Variants in RGS3 observed in about 807,000 individuals in gnomAD.
RGS3 encodes regulator of G-protein signalling 3.
RGS3 carries 80 observed loss-of-function variants against 132.6 expected under a neutral mutation model. The ratio of observed to expected loss-of-function variants is 0.60; its 90% CI spans 0.50 to 0.73. The LOEUF (loss-of-function observed/expected upper bound fraction) is 0.73, where lower values mean the gene tolerates loss of function less well. RGS3 is among the 30% of genes least tolerant of loss of function. RGS3 has a pLI of 0.00. For synonymous variants in RGS3, 598 were observed against 620.6 expected (o/e 0.96, Z 0.54); for missense variants, 1,382 against 1,530.8 (o/e 0.90, Z 1.62).
chr9:113,516,693 A>G (rs111890925), intron 15 of RGS3, among the ~76,000 whole-genome samples: 2,063 of 152,116 alleles, frequency 0.014, 41 homozygotes, highest in African/African-American at 0.047. Context: ...TAATATTTGT[A>G]TAAGAAACTA....
At position 113,447,329 on chromosome 9, in the gene RGS3, GTATATATATATATA is replaced by G. The variant is rs60991619; in HGVS notation, c.-13+2421_-13+2434del. Among the ~76,000 whole-genome samples, 48 of 27,558 alleles carry G rather than the reference GTATATATATATATA, an allele frequency of 1.7e-3. 8 individuals carry two copies. The highest frequency in any genetic ancestry group is 0.022 in the Middle Eastern group (1 of 46). The allele number at this position is 27,558 out of a possible 152,430, so 18.1% of individuals were successfully genotyped here. The stretch of plus-strand genomic sequence containing the variant: ...CCAATAAATTCTGATGTATGTATAT[GTATATATATATATA>G]TATATATATATATATATAGGCAAGG... On this transcript the variant is annotated intron_variant, in intron 1 of 25. Transcript: ENST00000374140.
intron 19 of RGS3, among the ~76,000 whole-genome samples, chr9:113,560,703 C>G (rs895762585): frequency 6.6e-6 from 1 of 152,234 alleles, no homozygotes; most frequent in Non-Finnish European, 1.5e-5. Flanking sequence ...ACTCCCAAAC[C>G]AGGGCTGTGA....
intron 17 of RGS3, among the ~76,000 whole-genome samples, chr9:113,528,128 A>G (rs1185410832): frequency 6.6e-6 from 1 of 152,176 alleles, no homozygotes; most frequent in African/African-American, 2.4e-5. Flanking sequence ...AGCATAAGGA[A>G]CAGTGGTTGG....
chr9:113,562,294 G>A (rs559230209), intron 19 of RGS3, among the ~76,000 whole-genome samples: 22 of 152,202 alleles, frequency 1.4e-4, no homozygotes, highest in African/African-American at 5.1e-4. Context: ...TGGCCAACAT[G>A]GTGAAACCCC....
chr9:113,505,485 G>T lies in RGS3; in HGVS notation c.941G>T (p.Cys314Phe), dbSNP rs768365065. 2.5e-6 allele frequency: 4 copies of T among 1,614,180 alleles called. No homozygotes were observed. In the Admixed American group the frequency reaches 6.7e-5, roughly 27 times the overall value. ...AAGGACGGCTTTGGCTTCACCATCT[G>T]CTGCGACTCTCCAGTTCGAGTCCAG... The change falls in exon 11 of 25, where the codon TGC (cysteine) becomes TTC (phenylalanine). Residue 314 changes from cysteine (C) to phenylalanine (F), a missense_variant. Transcript: ENST00000350696.
chr9:113,555,900 C>T (rs1177129640), intron 19 of RGS3, among the ~76,000 whole-genome samples: 2 of 152,218 alleles, frequency 1.3e-5, no homozygotes, highest in Non-Finnish European at 2.9e-5. Flanking sequence ...TCACATACCA[C>T]GTCATCTCAT....
At chr9:113,523,909 C>T (rs959654123) in intron 17 of RGS3, among the ~76,000 whole-genome samples, 3 of 152,104 alleles carry the variant, frequency 2.0e-5, no homozygotes, top group Non-Finnish European at 4.4e-5. Context: ...TCCTCCTCCT[C>T]GGAAACCCAT....
chr9:113,464,116 G>T (rs1829552194), intron 3 of RGS3, among the ~76,000 whole-genome samples: 1 of 152,260 alleles, frequency 6.6e-6, no homozygotes, highest in Non-Finnish European at 1.5e-5. Flanking sequence ...ACTGCGGTTG[G>T]TTCTGCCTCA....
chr9:113,499,715 G>T (rs1830806878), intron 10 of RGS3, among the ~76,000 whole-genome samples: 1 of 152,204 alleles, frequency 6.6e-6, no homozygotes, highest in Non-Finnish European at 1.5e-5. Context: ...CTAGAGCTGT[G>T]CTGGCCAGTG....
chr9:113,568,129 T>TG (rs779496105), intron 19 of RGS3, among the ~76,000 whole-genome samples: 15 of 152,248 alleles, frequency 9.9e-5, no homozygotes, highest in Non-Finnish European at 2.1e-4. Flanking sequence ...GAAGGACACT[T>TG]GCCTGAGGTG....
intron 18 of RGS3, among the ~76,000 whole-genome samples, chr9:113,536,313 G>A (rs112357478): frequency 0.05 from 7,579 of 152,254 alleles, 278 homozygotes; most frequent in South Asian, 0.091. Flanking sequence ...TGGTATGCCC[G>A]TCCAACCACC....
intron 10 of RGS3, among the ~76,000 whole-genome samples, chr9:113,504,592 G>A (rs1205070533): frequency 3.3e-5 from 5 of 152,240 alleles, no homozygotes; most frequent in Non-Finnish European, 7.3e-5. Flanking sequence ...TCACTCTGGA[G>A]AGGTTTGTGT....
intron 19 of RGS3, among the ~76,000 whole-genome samples, chr9:113,542,755 G>T (rs1041476229): frequency 1.3e-5 from 2 of 152,238 alleles, no homozygotes; most frequent in Non-Finnish European, 2.9e-5. Flanking sequence ...GCCCAGGTGG[G>T]AGAGTTCACT....
At position 113,463,786 on chromosome 9, in the gene RGS3, G is replaced by T. The variant is rs776302293; in HGVS notation, c.415+1585G>T. ...CTCGGGTTGCAGACGCTCCTGTCCG[G>T]GTCGCAGTGGGACGCCATGGAGCGC... On this transcript the variant is annotated intron_variant, in intron 3 of 24. Transcript: ENST00000350696. This position sits in a 1 kb window ranked among gnomAD's most constrained non-coding sequence, Gnocchi z 4.6. 1.2e-6 allele frequency: 2 copies of T among 1,603,380 alleles called. No homozygotes were observed. Among genetic ancestry groups the T allele is most frequent in the African/African-American group, 2.7e-5 (2 of 74,442 alleles).
upstream of RGS3, among the ~76,000 whole-genome samples, chr9:113,459,052 C>T (rs982235529): frequency 6.6e-6 from 1 of 152,174 alleles, no homozygotes; most frequent in Non-Finnish European, 1.5e-5. Flanking sequence ...CATCCAGCCT[C>T]TATTGTATAT....
chr9:113,589,355 T>C (rs768584531), intron 20 of RGS3: 12 of 152,354 alleles, frequency 7.9e-5, no homozygotes, highest in African/African-American at 2.9e-4. Context: ...TCTCCTTGGC[T>C]CACAGGCTCT....
At chr9:113,455,521 A>G (rs949251892), upstream of RGS3, among the ~76,000 whole-genome samples, 8 of 152,092 alleles carry the variant, frequency 5.3e-5, no homozygotes, top group Non-Finnish European at 1.0e-4. Flanking sequence ...TTTGGACTCA[A>G]CTTACTAGTT....
At chr9:113,518,718 C>A (rs1403161659) in intron 16 of RGS3, among the ~76,000 whole-genome samples, 1 of 152,156 alleles carries the variant, frequency 6.6e-6, no homozygotes, top group East Asian at 1.9e-4. Context: ...CTCCTCTTTT[C>A]CGAACCTCCT....
At position 113,567,497 on chromosome 9, in the gene RGS3, C is replaced by T. The variant is rs143925603; in HGVS notation, c.2038-15953C>T. ...CAGTGACATGCAAGTCAGCTGTGTC[C>T]GCCCATCTCCTAGCTCTGTGCCTGG... On this transcript the variant is annotated intron_variant, in intron 19 of 24. Coordinates refer to ENST00000350696, the Ensembl canonical transcript of RGS3. 5.1e-3 allele frequency among the ~76,000 whole-genome samples: 780 copies of T among 152,298 alleles called. 2 individuals are homozygous for T. The highest frequency in any genetic ancestry group is 0.014 in the African/African-American group (585 of 41,564).
Sources: allele counts gnomAD v4.1 joint callset (sites outside exome capture counted in the v4.1 genomes callset), GRCh38; gene constraint gnomAD v4.1.1; non-coding constraint Gnocchi (gnomAD v3.1); transcripts MANE v1.5; gene names NCBI Gene and HGNC (gene_info 2026-07-23, HGNC 2026-07-21).